EEF1E1: variants seen among roughly 807,000 people sequenced by gnomAD.
EEF1E1 encodes the protein eukaryotic translation elongation factor 1 epsilon 1.
EEF1E1 carries 19 observed loss-of-function variants against 19.9 expected under a neutral mutation model. That is an observed-to-expected ratio of 0.95 (90% CI 0.66 to 1.40). The LOEUF (loss-of-function observed/expected upper bound fraction) is 1.40. Among genes scored for constraint, EEF1E1 ranks in the 40% most tolerant of loss-of-function variants. The probability of loss-of-function intolerance (pLI) is 0.00; values close to 1 mark genes in which losing one functional copy is unlikely to be tolerated. For synonymous variants in EEF1E1, 81 were observed against 80.0 expected, an observed-to-expected ratio of 1.01 and a Z score of -0.07; for missense variants, 198 against 202.2, an observed-to-expected ratio of 0.98 and a Z score of 0.13.
chr6:8,099,751 A>AAAACAC (rs1240991264), intron 1 of EEF1E1, among the ~76,000 whole-genome samples: 15 of 92,928 alleles, frequency 1.6e-4, no homozygotes, highest in Admixed American at 3.5e-4. Flanking sequence ...CCGCCTCAAA[A>AAAACAC]ACACACACAC....
intron 2 of EEF1E1, among the ~76,000 whole-genome samples, chr6:8,092,874 T>G (rs1238284729): frequency 9.5e-6 from 1 of 105,606 alleles, no homozygotes; most frequent in Non-Finnish European, 1.9e-5. Flanking sequence ...GACTGCTTTT[T>G]TTTTTTTTTT....
In EEF1E1 at chr6:8,080,030, C is replaced by A; in HGVS notation, c.385G>T (p.Val129Phe). The A allele has an allele frequency of 1.9e-6, 3 of 1,612,758 alleles. No individual in the cohort carries two copies. Among genetic ancestry groups the A allele is most frequent in the Non-Finnish European group, 2.5e-6 (3 of 1,179,632 alleles). The change falls in exon 4 of 4, where the codon GTT (valine) becomes TTT (phenylalanine). Residue 129 changes from valine to phenylalanine, a missense_variant and splice_region_variant. Val to Phe is a conservative substitution (Grantham distance 50). Coordinates refer to ENST00000379715, the MANE Select transcript of EEF1E1 (RefSeq NM_004280.5). ...LLYYGLHRFI[V>F]DLTVQEKEKY... is the part of the protein sequence containing the mutation. ...TCCTTTTCTTGAACTGTCAGGTCAA[C>A]CTAAGTAGAGATTAAAAACATACAC...
intron 1 of EEF1E1, 152 bp downstream of exon 1, chr6:8,102,283 G>T (rs1467845864): frequency 4.8e-5 from 46 of 958,094 alleles, no homozygotes; most frequent in Non-Finnish European, 6.7e-5. Context: ...GAGGCCCAGA[G>T]GCGCCAGCCG....
chr6:8,081,885 C>T (rs898640352), intron 3 of EEF1E1, among the ~76,000 whole-genome samples: 3 of 152,180 alleles, frequency 2.0e-5, no homozygotes, highest in South Asian at 2.1e-4. Flanking sequence ...CTCTTTCTTA[C>T]CATTTTAGTC....
chr6:8,093,262 A>ACCAAAAGAG (rs1758070572), intron 2 of EEF1E1, among the ~76,000 whole-genome samples: 1 of 151,716 alleles, frequency 6.6e-6, no homozygotes, highest in African/African-American at 2.4e-5. Context: ...ACCAAAAGAC[A>ACCAAAAGAG]GAGTTTCACA....
chr6:8,101,347 C>T (rs749335859), intron 1 of EEF1E1, among the ~76,000 whole-genome samples: 25 of 128,882 alleles, frequency 1.9e-4, no homozygotes, highest in Non-Finnish European at 6.2e-5. Context: ...TATATTTATA[C>T]TACATATATA....
At chr6:8,088,374 T>A (rs1757924294) in intron 3 of EEF1E1, among the ~76,000 whole-genome samples, 1 of 152,136 alleles carries the variant, frequency 6.6e-6, no homozygotes. Flanking sequence ...CCCACCCACA[T>A]CTCATTTTGA....
At chr6:8,099,719 C>T (rs892503531) in intron 1 of EEF1E1, among the ~76,000 whole-genome samples, 8 of 149,058 alleles carry the variant, frequency 5.4e-5, no homozygotes, top group African/African-American at 2.0e-4. Flanking sequence ...TGCACTCCAG[C>T]CCGGGCAACA....
At chr6:8,082,576 A>G (rs1287590122) in intron 3 of EEF1E1, among the ~76,000 whole-genome samples, 1 of 151,918 alleles carries the variant, frequency 6.6e-6, no homozygotes, top group East Asian at 1.9e-4. Context: ...ACTGCACCCA[A>G]CCCCCTATTC....
intron 1 of EEF1E1, chr6:8,101,637 G>A: frequency 2.6e-6 from 2 of 759,412 alleles, no homozygotes; most frequent in Non-Finnish European, 1.8e-6. Flanking sequence ...AAATCTCAAA[G>A]GAGCAAAAAA....
downstream of EEF1E1, chr6:8,079,367 C>T: frequency 1.0e-6 from 1 of 983,112 alleles, no homozygotes; most frequent in Non-Finnish European, 1.2e-6. Context: ...TGAGTACTGA[C>T]TACAGAAAGA....
downstream of EEF1E1, among the ~76,000 whole-genome samples, chr6:8,077,938 C>G (rs1757637645): frequency 6.6e-6 from 1 of 152,142 alleles, no homozygotes. Flanking sequence ...ACTACAGGCA[C>G]TCCACCATGC....
chr6:8,084,767 G>A (rs1054509131), intron 3 of EEF1E1, among the ~76,000 whole-genome samples: 1 of 152,174 alleles, frequency 6.6e-6, no homozygotes, highest in Non-Finnish European at 1.5e-5. Context: ...GATAGAAATT[G>A]TTCTTGGAGC....
Position 8,089,667 on chromosome 6 carries a change from C to T in EEF1E1, c.384+519G>A, listed in dbSNP as rs562370539. Among the ~76,000 whole-genome samples, 9 of 152,338 alleles carry T rather than the reference C, an allele frequency of 5.9e-5. No individual in the cohort carries two copies. In the East Asian group the frequency reaches 7.7e-4, roughly 13 times the overall value. On this transcript the variant is annotated intron_variant, in intron 3 of 3. Coordinates refer to ENST00000379715, the MANE Select transcript of EEF1E1 (RefSeq NM_004280.5). ...TGTTAATCTCCTTTGGCAACACCGT[C>T]ACAGACACACCCAGGATTAATACTT...
intron 2 of EEF1E1, among the ~76,000 whole-genome samples, chr6:8,091,227 C>T (rs1758003855): frequency 6.6e-6 from 1 of 152,138 alleles, no homozygotes; most frequent in Admixed American, 6.5e-5. Context: ...TAGTAGCCAT[C>T]CTAATGGGTG....
At chr6:8,076,720 A>G (rs1221018822), downstream of EEF1E1, among the ~76,000 whole-genome samples, 2 of 152,184 alleles carry the variant, frequency 1.3e-5, no homozygotes, top group Non-Finnish European at 2.9e-5. Flanking sequence ...GCATGAAAAC[A>G]CTGTATTTAT....
At position 8,079,725 on chromosome 6, in the gene EEF1E1, T is replaced by C; in HGVS notation, c.*165A>G. ...GACATAAAAATTGCAAAACTTCAGC[T>C]AAAGAACAAATAAAACATTCAGACA... On this transcript the variant is annotated 3_prime_UTR_variant, in exon 4 of 4. Transcript: ENST00000379715. 1 of 1,279,858 alleles carries C rather than the reference T, an allele frequency of 7.8e-7. No homozygotes were observed. Among genetic ancestry groups the C allele is most frequent in the Non-Finnish European group, 9.9e-7 (1 of 1,010,998 alleles). The allele number at this position is 1,279,858 out of a possible 1,614,324, so 79.3% of individuals were successfully genotyped here.
At chr6:8,088,145 C>T (rs1378846592) in intron 3 of EEF1E1, among the ~76,000 whole-genome samples, 1 of 152,094 alleles carries the variant, frequency 6.6e-6, no homozygotes, top group African/African-American at 2.4e-5. Context: ...AATGAGTCAA[C>T]ATTTGTACAG....
At chr6:8,077,149 T>G (rs567051608), downstream of EEF1E1, among the ~76,000 whole-genome samples, 1 of 152,114 alleles carries the variant, frequency 6.6e-6, no homozygotes, top group East Asian at 1.9e-4. Context: ...TTCACCGTGT[T>G]AGCCAGGATT....
Sources: allele counts gnomAD v4.1 joint callset (sites outside exome capture counted in the v4.1 genomes callset), GRCh38; gene constraint gnomAD v4.1.1; transcripts MANE v1.5; gene names NCBI Gene and HGNC (gene_info 2026-07-23, HGNC 2026-07-21).